Variants in LHFPL3 observed in about 807,000 individuals in gnomAD.
LHFPL3 encodes the protein LHFPL tetraspan subfamily member 3 protein.
In LHFPL3, 5 loss-of-function variants were observed where a neutral mutation model predicts 19.3. The observed-to-expected ratio is 0.26, with a 90% CI of 0.14 to 0.54. LHFPL3 has a LOEUF of 0.54. Among genes scored for constraint, LHFPL3 ranks in the 20% least tolerant of loss-of-function variants. LHFPL3 has a pLI of 0.94. For missense variants in LHFPL3, 249 were observed against 307.4 expected (o/e 0.81, Z 1.42); for synonymous variants, 133 against 126.2 (o/e 1.05, Z -0.36).
At chr7:104,693,614 G>A (rs1334720624) in intron 1 of LHFPL3, among the ~76,000 whole-genome samples, 1 of 152,026 alleles carries the variant, frequency 6.6e-6, no homozygotes, top group African/African-American at 2.4e-5. Flanking sequence ...CCTGTGAAGA[G>A]GTGCCTCCCA....
At chr7:104,471,328 T>C (rs569139344) in intron 1 of LHFPL3, among the ~76,000 whole-genome samples, 1 of 152,338 alleles carries the variant, frequency 6.6e-6, no homozygotes, top group East Asian at 1.9e-4. Flanking sequence ...AATAGTCAGT[T>C]GTGGGATGGA....
intron 2 of LHFPL3, among the ~76,000 whole-genome samples, chr7:104,815,699 A>G (rs1424140291): frequency 6.6e-6 from 1 of 152,096 alleles, no homozygotes; most frequent in Non-Finnish European, 1.5e-5. Flanking sequence ...CTTTTAAGTC[A>G]GCCCAGATCT....
intron 1 of LHFPL3, among the ~76,000 whole-genome samples, chr7:104,603,120 TTCTTTCTTTCTTTTTTC>T (rs1791012990): frequency 3.6e-5 from 5 of 138,504 alleles, no homozygotes; most frequent in African/African-American, 1.5e-4. Flanking sequence ...CTTTCTTTCT[TTCTTTCTTTCTTTTTTC>T]CCTTCCTTCC....
intron 1 of LHFPL3, among the ~76,000 whole-genome samples, chr7:104,663,163 T>A (rs991411057): frequency 1.3e-5 from 2 of 152,250 alleles, no homozygotes; most frequent in African/African-American, 4.8e-5. Flanking sequence ...TTTGAGTTTA[T>A]AGTCAAGGTT....
At chr7:104,339,191 T>A (rs1207774093) in intron 1 of LHFPL3, among the ~76,000 whole-genome samples, 8 of 152,012 alleles carry the variant, frequency 5.3e-5, no homozygotes, top group Admixed American at 5.2e-4. Context: ...GACGTTGCAG[T>A]GAGCCGAGAT....
chr7:104,448,294 A>G (rs1484237102), intron 1 of LHFPL3, among the ~76,000 whole-genome samples: 1 of 152,118 alleles, frequency 6.6e-6, no homozygotes, highest in African/African-American at 2.4e-5. Context: ...ATTCCTGTCC[A>G]CAGTGCCAGA....
chr7:104,535,796 G>C (rs971164065), intron 1 of LHFPL3, among the ~76,000 whole-genome samples: 1 of 152,198 alleles, frequency 6.6e-6, no homozygotes. Flanking sequence ...AAGAGTAGGG[G>C]ACATTTAAAA....
intron 1 of LHFPL3, among the ~76,000 whole-genome samples, chr7:104,389,483 C>A (rs2116468202): frequency 6.6e-6 from 1 of 152,254 alleles, no homozygotes; most frequent in East Asian, 1.9e-4. Flanking sequence ...ATCCAAACCT[C>A]CAGTGGTTCC....
At chr7:104,391,169 G>A in intron 1 of LHFPL3, among the ~76,000 whole-genome samples, 1 of 152,118 alleles carries the variant, frequency 6.6e-6, no homozygotes, top group Non-Finnish European at 1.5e-5. Context: ...CTTTTGCTAT[G>A]CAGAAGCTCT....
At chr7:104,622,628 A>G (rs1791468698) in intron 1 of LHFPL3, among the ~76,000 whole-genome samples, 1 of 152,072 alleles carries the variant, frequency 6.6e-6, no homozygotes, top group South Asian at 2.1e-4. Context: ...CTCCTCCACA[A>G]CACAGCCCTA....
chr7:104,515,954 C>T (rs1220902041), intron 1 of LHFPL3, among the ~76,000 whole-genome samples: 6 of 152,120 alleles, frequency 3.9e-5, no homozygotes, highest in East Asian at 1.9e-4. Context: ...GTTCCAAAGT[C>T]GCTTCCACAT....
At position 104,837,838 on chromosome 7, in the gene LHFPL3, A is replaced by G. The variant is rs56397729; in HGVS notation, c.683-68349A>G. ...AGTGCCATTGCTTACTTATTTTACC[A>G]TATTCCACAATACTTATCACGGTGT... is the stretch of plus-strand genomic sequence containing the variant. On this transcript the variant is annotated intron_variant, in intron 2 of 2. Coordinates refer to ENST00000424859, the MANE Select transcript of LHFPL3 (RefSeq NM_199000.3). Among the ~76,000 whole-genome samples, 911 of 152,306 alleles carry G rather than the reference A, an allele frequency of 6.0e-3. 13 individuals are homozygous for G. Among genetic ancestry groups the G allele is most frequent in the African/African-American group, 0.021 (877 of 41,574 alleles).
intron 1 of LHFPL3, among the ~76,000 whole-genome samples, chr7:104,468,812 C>T (rs891157240): frequency 1.3e-5 from 2 of 151,994 alleles, no homozygotes; most frequent in Non-Finnish European, 2.9e-5. Flanking sequence ...GTGCCTGCCA[C>T]CACACCCAGC....
intron 1 of LHFPL3, among the ~76,000 whole-genome samples, chr7:104,332,140 C>T (rs926999739): frequency 1.3e-5 from 2 of 150,480 alleles, no homozygotes; most frequent in African/African-American, 4.9e-5. Flanking sequence ...AAACTATTCG[C>T]TTGTGTATTT....
chr7:104,328,692 G>A lies in LHFPL3; in HGVS notation c.-88G>A, dbSNP rs1584588118. 11 of 1,188,218 alleles carry A rather than the reference G, an allele frequency of 9.3e-6. No individual in the cohort carries two copies. The East Asian group carries it at 2.3e-4, about 25-fold the overall frequency. 73.6% of individuals were successfully genotyped at this position (1,188,218 alleles called of 1,614,324 possible). A position where few individuals can be genotyped will look rare whatever the true frequency, so the allele number is the denominator to read the frequency against. On this transcript the variant is annotated 5_prime_UTR_variant, in exon 1 of 3. Transcript: ENST00000424859. This position sits in a 1 kb window ranked among gnomAD's most constrained non-coding sequence, Gnocchi z 4.6. ...CGGAGGCAGGGGAGTTGCAGCGCGC[G>A]AGGCTCCGTGAGTGTGTCTCCTGCG...
At chr7:104,450,076 A>C (rs1792404458) in intron 1 of LHFPL3, among the ~76,000 whole-genome samples, 1 of 152,196 alleles carries the variant, frequency 6.6e-6, no homozygotes, top group Non-Finnish European at 1.5e-5. Context: ...AAATATTGGT[A>C]ATTTATTTTC....
At chr7:104,725,251 C>A (rs1386043333) in intron 1 of LHFPL3, among the ~76,000 whole-genome samples, 1 of 152,070 alleles carries the variant, frequency 6.6e-6, no homozygotes, top group Non-Finnish European at 1.5e-5. Context: ...ACCTTCAAGA[C>A]AGAAGGACTT....
intron 1 of LHFPL3, among the ~76,000 whole-genome samples, chr7:104,625,061 G>A (rs538924353): frequency 1.3e-5 from 2 of 152,262 alleles, no homozygotes; most frequent in African/African-American, 4.8e-5. Context: ...CTGCCTGTAG[G>A]TTATCTGCAG....
At chr7:104,697,369 A>T (rs906253530) in intron 1 of LHFPL3, among the ~76,000 whole-genome samples, 3 of 152,236 alleles carry the variant, frequency 2.0e-5, no homozygotes, top group African/African-American at 4.8e-5. Flanking sequence ...CCTGCAATCT[A>T]TTTTAAATTG....
Sources: allele counts gnomAD v4.1 joint callset (sites outside exome capture counted in the v4.1 genomes callset), GRCh38; gene constraint gnomAD v4.1.1; non-coding constraint Gnocchi (gnomAD v3.1); transcripts MANE v1.5; gene names NCBI Gene and HGNC (gene_info 2026-07-23, HGNC 2026-07-21).